The following NMU variants were observed in gnomAD, a reference collection of about 807,000 sequenced individuals.
The protein encoded by NMU is neuromedin U.
Under a neutral mutation model 35.4 loss-of-function variants are expected in NMU, and 29 were observed. That is an observed-to-expected ratio of 0.82 (90% confidence interval 0.61 to 1.12). The LOEUF (loss-of-function observed/expected upper bound fraction) is 1.12. Ranked by LOEUF, NMU falls within the 50% of genes most tolerant of loss-of-function variation. NMU has a pLI of 0.00. For synonymous variants in NMU, 78 were observed against 81.3 expected (o/e 0.96, Z 0.22); for missense variants, 199 against 206.2 (o/e 0.97, Z 0.21).
intron 9 of NMU, among the ~76,000 whole-genome samples, chr4:55,596,805 A>G (rs916453355): frequency 1.3e-5 from 2 of 152,216 alleles, no homozygotes; most frequent in Admixed American, 6.5e-5. Flanking sequence ...ACATTAAATA[A>G]GAAATTAGAG....
intron 2 of NMU, among the ~76,000 whole-genome samples, chr4:55,629,995 T>C (rs893051195): frequency 2.0e-5 from 3 of 152,090 alleles, no homozygotes; most frequent in Admixed American, 6.6e-5. Context: ...ATATATTCCC[T>C]TTCAGTTTAT....
chr4:55,615,080 T>C (rs548113236), intron 3 of NMU, among the ~76,000 whole-genome samples: 2 of 152,242 alleles, frequency 1.3e-5, no homozygotes, highest in African/African-American at 2.4e-5. Flanking sequence ...CCAAACTATG[T>C]AGGGAGTATG....
chr4:55,597,609 G>A (rs566428205), intron 9 of NMU, among the ~76,000 whole-genome samples: 143 of 152,126 alleles, frequency 9.4e-4, no homozygotes, highest in African/African-American at 3.1e-3. Context: ...CAGGTGATCC[G>A]CCCACCTTGG....
chr4:55,601,621 A>G (rs575173988), intron 7 of NMU, among the ~76,000 whole-genome samples: 56 of 152,288 alleles, frequency 3.7e-4, no homozygotes, highest in African/African-American at 1.3e-3. Context: ...TGAAAAATAA[A>G]AAATAAAAGT....
At chr4:55,608,174 C>CAGAA (rs1733779510) in intron 4 of NMU, among the ~76,000 whole-genome samples, 3 of 110,410 alleles carry the variant, frequency 2.7e-5, no homozygotes, top group African/African-American at 7.0e-5. Context: ...GACTCCATCT[C>CAGAA]AAAAAAAAAA....
intron 2 of NMU, among the ~76,000 whole-genome samples, chr4:55,628,202 A>G (rs1734609549): frequency 1.3e-5 from 2 of 152,228 alleles, no homozygotes; most frequent in Non-Finnish European, 2.9e-5. Flanking sequence ...CACAAGCCAT[A>G]CAATTCACCC....
chr4:55,601,345 C>T (rs1222768410), intron 7 of NMU, among the ~76,000 whole-genome samples: 1 of 152,032 alleles, frequency 6.6e-6, no homozygotes, highest in Non-Finnish European at 1.5e-5. Flanking sequence ...ATCTTTCAGC[C>T]AAGACCTTTT....
chr4:55,600,888 A>G (rs1733400316), intron 7 of NMU, among the ~76,000 whole-genome samples: 2 of 152,176 alleles, frequency 1.3e-5, no homozygotes, highest in African/African-American at 4.8e-5. Context: ...AATTGACTAT[A>G]TTTAAAATCT....
Position 55,636,254 on chromosome 4 carries a change from T to C in NMU, c.-62A>G, listed in dbSNP as rs1372706737. On this transcript the variant is annotated 5_prime_UTR_variant, in exon 1 of 10. Transcript: ENST00000264218. The surrounding 1 kb of genome is among the most constrained non-coding windows in gnomAD (Gnocchi z 4.0). ...GCGCTGCGCCACGCGTAGCTGGTGC[T>C]CCACCTGGTGCCCTGGCTGTGCCTC... 5.0e-6 allele frequency: 7 copies of C among 1,414,140 alleles called. No homozygotes were observed. In the South Asian group the frequency reaches 9.2e-5, roughly 19 times the overall value. 87.6% of individuals were successfully genotyped at this position (1,414,140 alleles called of 1,614,324 possible).
At chr4:55,613,954 CA>C (rs1734026509) in intron 3 of NMU, among the ~76,000 whole-genome samples, 1 of 152,028 alleles carries the variant, frequency 6.6e-6, no homozygotes, top group Non-Finnish European at 1.5e-5. Flanking sequence ...ATTAGGAATA[CA>C]AAAAACAATT....
At chr4:55,630,275 A>G in intron 2 of NMU, 127 bp downstream of exon 2, 1 of 785,284 alleles carries the variant, frequency 1.3e-6, no homozygotes, top group Admixed American at 2.4e-5. Context: ...AAAAATAGTA[A>G]TTCTGGGTTT....
intron 6 of NMU, among the ~76,000 whole-genome samples, chr4:55,606,131 A>T (rs1733673880): frequency 6.6e-6 from 1 of 152,196 alleles, no homozygotes; most frequent in African/African-American, 2.4e-5. Context: ...GCCTCCTCAT[A>T]TGTAATATTC....
intron 9 of NMU, among the ~76,000 whole-genome samples, chr4:55,597,204 GTTT>G (rs1431397705): frequency 6.6e-6 from 1 of 151,536 alleles, no homozygotes; most frequent in Non-Finnish European, 1.5e-5. Flanking sequence ...CTTTTTAAAA[GTTT>G]TTGTATTAAT....
At chr4:55,604,777 C>G (rs1355816896) in intron 7 of NMU, among the ~76,000 whole-genome samples, 3 of 143,120 alleles carry the variant, frequency 2.1e-5, no homozygotes, top group African/African-American at 7.8e-5. Flanking sequence ...AAGGGATCCA[C>G]CCACCTGGGC....
chr4:55,614,831 A>T (rs1734056841), intron 3 of NMU, among the ~76,000 whole-genome samples: 1 of 152,226 alleles, frequency 6.6e-6, no homozygotes, highest in Non-Finnish European at 1.5e-5. Flanking sequence ...GCTGATTAAT[A>T]TAATCTCATG....
At chr4:55,597,399 G>C (rs1306412254) in intron 9 of NMU, among the ~76,000 whole-genome samples, 1 of 146,494 alleles carries the variant, frequency 6.8e-6, no homozygotes, top group Admixed American at 6.8e-5. Flanking sequence ...CTTTTTTTTT[G>C]CTCTTGTTGC....
At chr4:55,629,707 A>G (rs1350874166) in intron 2 of NMU, among the ~76,000 whole-genome samples, 1 of 150,760 alleles carries the variant, frequency 6.6e-6, no homozygotes, top group Non-Finnish European at 1.5e-5. Context: ...CAGTAGCTCT[A>G]ATTTATTAAT....
chr4:55,630,370 T>G (rs907109874), intron 2 of NMU, 32 bp downstream of exon 2: 6 of 1,530,332 alleles, frequency 3.9e-6, no homozygotes, highest in Non-Finnish European at 5.4e-6. Context: ...AGGGTAAAGT[T>G]TCTACAAATT....
chr4:55,602,839 A>G (rs1733479383), intron 7 of NMU, among the ~76,000 whole-genome samples: 1 of 152,186 alleles, frequency 6.6e-6, no homozygotes, highest in African/African-American at 2.4e-5. Context: ...TGAAGATTCT[A>G]GGGAGGAAAT....
Sources: allele counts gnomAD v4.1 joint callset (sites outside exome capture counted in the v4.1 genomes callset), GRCh38; gene constraint gnomAD v4.1.1; non-coding constraint Gnocchi (gnomAD v3.1); transcripts MANE v1.5; gene names NCBI Gene and HGNC (gene_info 2026-07-23, HGNC 2026-07-21).